Variants in KCNIP1 observed in about 807,000 individuals in gnomAD.
The protein encoded by KCNIP1 is A-type potassium channel modulatory protein KCNIP1.
A neutral mutation model predicts 33.0 loss-of-function variants in KCNIP1; 18 were observed. That is an observed-to-expected ratio of 0.55 (90% CI 0.38 to 0.81). The LOEUF is 0.81. KCNIP1 is among the 30% of genes least tolerant of loss of function. The pLI is 0.00. For synonymous variants in KCNIP1, 93 were observed against 98.3 expected, an observed-to-expected ratio of 0.95 and a Z score of 0.32; for missense variants, 238 against 271.6, an observed-to-expected ratio of 0.88 and a Z score of 0.87.
In KCNIP1 at chr5:170,562,544, A is replaced by G. The variant is rs114302804; in HGVS notation, c.61+57911A>G. On this transcript the variant is annotated intron_variant, in intron 1 of 7. Coordinates refer to ENST00000328939, the MANE Select transcript of KCNIP1 (RefSeq NM_014592.4). ...TTCACTGGCCTCTCCTCCCTTGTCCAGTTCCCAAAGCTCAGTGGGTCCCCG... is the reference window on the plus strand; with the variant it reads ...TTCACTGGCCTCTCCTCCCTTGTCCGGTTCCCAAAGCTCAGTGGGTCCCCG... Among the ~76,000 whole-genome samples the G allele has an allele frequency of 7.2e-3, 1,091 of 152,322 alleles. 15 individuals are homozygous for G. The highest frequency in any genetic ancestry group is 0.024 in the African/African-American group (985 of 41,564).
At position 170,516,968 on chromosome 5, in the gene KCNIP1, G is replaced by A. The variant is rs753186841; in HGVS notation, c.61+12335G>A. ...TTTGATAGTGGTGGTGATGATGTTT[G>A]TGATGGTGGTGTGATGGTGGTGATG... On this transcript the variant is annotated intron_variant, in intron 1 of 7. Coordinates refer to ENST00000328939, the MANE Select transcript of KCNIP1 (RefSeq NM_014592.4). 2.1e-4 allele frequency among the ~76,000 whole-genome samples: 32 copies of A among 152,110 alleles called. 1 individual carries two copies. Among genetic ancestry groups the A allele is most frequent in the Non-Finnish European group, 4.6e-4 (31 of 68,022 alleles).
chr5:170,555,540 C>T (rs138181793), intron 1 of KCNIP1, among the ~76,000 whole-genome samples: 2 of 152,224 alleles, frequency 1.3e-5, no homozygotes, highest in Admixed American at 1.3e-4. Flanking sequence ...GCTAGCTGGC[C>T]CCACGGTTTC....
intron 1 of KCNIP1, among the ~76,000 whole-genome samples, chr5:170,554,326 A>G (rs1477122540): frequency 1.3e-5 from 2 of 152,130 alleles, no homozygotes; most frequent in Non-Finnish European, 2.9e-5. Flanking sequence ...AGGAAGGTAC[A>G]TTTTGCATGC....
At chr5:170,439,224 G>A (rs1381711175) in intron 1 of KCNIP1, among the ~76,000 whole-genome samples, 5 of 152,176 alleles carry the variant, frequency 3.3e-5, no homozygotes, top group African/African-American at 1.2e-4. Flanking sequence ...TGGAGGCCCA[G>A]GAATCAATCA....
At chr5:170,471,205 G>A (rs993350264) in intron 1 of KCNIP1, among the ~76,000 whole-genome samples, 6 of 152,214 alleles carry the variant, frequency 3.9e-5, no homozygotes, top group Middle Eastern at 3.4e-3. Context: ...GCTCCATCTC[G>A]CCCCCTATCT....
At chr5:170,412,885 C>T (rs1029867618) in intron 1 of KCNIP1, among the ~76,000 whole-genome samples, 5 of 152,148 alleles carry the variant, frequency 3.3e-5, no homozygotes, top group African/African-American at 1.2e-4. Flanking sequence ...GCCCCACCCC[C>T]TCATTTACAC....
chr5:170,525,019 C>T (rs1477107758), intron 1 of KCNIP1, among the ~76,000 whole-genome samples: 1 of 152,168 alleles, frequency 6.6e-6, no homozygotes, highest in Non-Finnish European at 1.5e-5. Flanking sequence ...ACGGTGGCAG[C>T]GTTAGGAGGG....
chr5:170,415,960 T>A (rs1755318552), intron 1 of KCNIP1, among the ~76,000 whole-genome samples: 1 of 152,044 alleles, frequency 6.6e-6, no homozygotes, highest in African/African-American at 2.4e-5. Flanking sequence ...CAGGTTTGCC[T>A]TGTGGAAGGC....
chr5:170,673,874 G>A (rs1056772780), intron 1 of KCNIP1, among the ~76,000 whole-genome samples: 3 of 151,970 alleles, frequency 2.0e-5, no homozygotes, highest in Admixed American at 6.6e-5. Context: ...GGGAGTGAGC[G>A]CTCTTACACA....
At chr5:170,696,511 G>GA (rs1762898406) in intron 1 of KCNIP1, among the ~76,000 whole-genome samples, 1 of 152,178 alleles carries the variant, frequency 6.6e-6, no homozygotes, top group Non-Finnish European at 1.5e-5. Context: ...GGGGAAGACA[G>GA]AAAAACTTCA....
intron 1 of KCNIP1, among the ~76,000 whole-genome samples, chr5:170,414,473 C>G (rs528562997): frequency 6.6e-6 from 1 of 152,334 alleles, no homozygotes; most frequent in East Asian, 1.9e-4. Context: ...GAGCTATAAC[C>G]AACCCAGCTG....
At chr5:170,431,822 A>G (rs7736918) in intron 1 of KCNIP1, among the ~76,000 whole-genome samples, 66,240 of 152,026 alleles carry the variant, frequency 0.44, 14,676 homozygotes, top group African/African-American at 0.51. Context: ...TCTGGACTTG[A>G]GGAGATGGGT....
intron 1 of KCNIP1, among the ~76,000 whole-genome samples, chr5:170,413,319 G>T (rs1279185395): frequency 6.6e-6 from 1 of 152,176 alleles, no homozygotes; most frequent in African/African-American, 2.4e-5. Context: ...CAAACTCATC[G>T]TGCCTGGCCT....
intron 1 of KCNIP1, among the ~76,000 whole-genome samples, chr5:170,565,105 C>T (rs983185879): frequency 3.9e-5 from 6 of 152,112 alleles, no homozygotes; most frequent in Admixed American, 6.5e-5. Flanking sequence ...CCTTCTCTTT[C>T]CCCACCACCA....
At chr5:170,391,770 C>T (rs1257320417) in intron 1 of KCNIP1, among the ~76,000 whole-genome samples, 1 of 152,182 alleles carries the variant, frequency 6.6e-6, no homozygotes, top group East Asian at 1.9e-4. Context: ...CTCTAAGCTT[C>T]AGTTTGTCTG....
chr5:170,611,897 T>C (rs878858075), intron 1 of KCNIP1, among the ~76,000 whole-genome samples: 1 of 152,228 alleles, frequency 6.6e-6, no homozygotes. Flanking sequence ...GAGGATTTGT[T>C]CATTCATTCT....
Position 170,618,697 on chromosome 5 carries a change from C to T in KCNIP1, c.62-100061C>T, listed in dbSNP as rs571864622. 2.8e-4 allele frequency among the ~76,000 whole-genome samples: 43 copies of T among 152,272 alleles called. No individual in the cohort carries two copies. In the South Asian group the frequency reaches 5.8e-3, roughly 21 times the overall value. ...AATATGTGTGATTTTTTAGACCAAT[C>T]ACATCATTTGGCCAAGCCTCAGTTT... On this transcript the variant is annotated intron_variant, in intron 1 of 7. Coordinates refer to ENST00000328939, the MANE Select transcript of KCNIP1 (RefSeq NM_014592.4).
intron 1 of KCNIP1, among the ~76,000 whole-genome samples, chr5:170,624,083 A>G (rs1759718399): frequency 6.6e-6 from 1 of 152,242 alleles, no homozygotes; most frequent in African/African-American, 2.4e-5. Context: ...TCCCGGGCCC[A>G]GGTTTTCTGG....
At chr5:170,603,192 G>A (rs1052928964) in intron 1 of KCNIP1, among the ~76,000 whole-genome samples, 6 of 151,820 alleles carry the variant, frequency 4.0e-5, no homozygotes, top group Admixed American at 2.6e-4. Flanking sequence ...ATCCCTTTCC[G>A]TTGCTTGGCA....
Sources: allele counts gnomAD v4.1 joint callset (sites outside exome capture counted in the v4.1 genomes callset), GRCh38; gene constraint gnomAD v4.1.1; transcripts MANE v1.5; gene names NCBI Gene and HGNC (gene_info 2026-07-23, HGNC 2026-07-21).